The following PCDH7 variants were observed in gnomAD, a reference collection of about 807,000 sequenced individuals.
PCDH7 encodes the protein protocadherin-7.
PCDH7 carries 17 observed loss-of-function variants against 58.9 expected under a neutral mutation model. That is an observed-to-expected ratio of 0.29 (90% CI 0.20 to 0.43). The LOEUF (loss-of-function observed/expected upper bound fraction) is 0.43. Among genes scored for constraint, PCDH7 ranks in the 20% least tolerant of loss-of-function variants. PCDH7 has a pLI of 1.00. For synonymous variants in PCDH7, 664 were observed against 616.4 expected (o/e 1.08, Z -1.14); for missense variants, 1,274 against 1,441.0 (o/e 0.88, Z 1.88).
chr4:30,723,006 C>T lies in PCDH7; in HGVS notation c.1584C>T (p.Thr528=). 4.3e-6 allele frequency: 7 copies of T among 1,613,848 alleles called. No individual in the cohort carries two copies. The highest frequency in any genetic ancestry group is 5.9e-6 in the Non-Finnish European group (7 of 1,180,040). The stretch of plus-strand genomic sequence containing the variant: ...CCCTGATTGTCAAGGTGGGAGACAC[C>T]AACGACAACCCGCCCATGTTCGGCC... The change falls in exon 1 of 2, where the codon ACC becomes ACT. Residue 528 remains threonine, a synonymous_variant. Transcript: ENST00000361762. The surrounding 1 kb of genome is among the most constrained non-coding windows in gnomAD (Gnocchi z 4.6).
At chr4:30,865,700 A>T (rs537818455) in intron 1 of PCDH7, among the ~76,000 whole-genome samples, 1 of 152,150 alleles carries the variant, frequency 6.6e-6, no homozygotes, top group East Asian at 1.9e-4. Context: ...GGAAAACCTC[A>T]TAGGAAGGAA....
chr4:30,966,126 G>T (rs1748975982), intron 3 of PCDH7, among the ~76,000 whole-genome samples: 1 of 152,082 alleles, frequency 6.6e-6, no homozygotes, highest in Non-Finnish European at 1.5e-5. Context: ...GATTTTCATT[G>T]CGGATTCTTG....
At chr4:31,052,260 T>C (rs1368000584) in intron 3 of PCDH7, among the ~76,000 whole-genome samples, 2 of 152,158 alleles carry the variant, frequency 1.3e-5, no homozygotes, top group Non-Finnish European at 2.9e-5. Context: ...GCCAGTGTTT[T>C]GAGTCTTTGC....
At chr4:31,083,877 T>A (rs61794125) in intron 3 of PCDH7, among the ~76,000 whole-genome samples, 8,953 of 152,262 alleles carry the variant, frequency 0.059, 535 homozygotes, top group East Asian at 0.34. Flanking sequence ...CATTCAATGA[T>A]GCTGGAATAA....
In PCDH7 at chr4:30,722,762, T is replaced by C; in HGVS notation, c.1340T>C (p.Val447Ala). 1 of 1,613,490 alleles carries C rather than the reference T, an allele frequency of 6.2e-7. No individual in the cohort carries two copies. ...GACACCCCCATCGCTCTGGTGCAGG[T>C]GTCCGACCGAGACCAAGGCGAGAAC... Residue 447 changes from valine to alanine, a missense_variant, in exon 1 of 2, where the codon GTG becomes GCG. Transcript: ENST00000361762. This position sits in a 1 kb window ranked among gnomAD's most constrained non-coding sequence, Gnocchi z 7.6.
intron 3 of PCDH7, among the ~76,000 whole-genome samples, chr4:31,071,745 G>A (rs1051827381): frequency 6.6e-5 from 10 of 151,820 alleles, no homozygotes; most frequent in African/African-American, 1.7e-4. Context: ...GAGATCCCTC[G>A]CATTTCATTT....
intron 3 of PCDH7, among the ~76,000 whole-genome samples, chr4:31,039,153 C>A (rs1214863778): frequency 6.6e-6 from 1 of 151,962 alleles, no homozygotes; most frequent in Non-Finnish European, 1.5e-5. Context: ...TGGTTTAAAG[C>A]TCCAAAATCA....
chr4:31,060,570 G>A (rs868716060), intron 3 of PCDH7, among the ~76,000 whole-genome samples: 4 of 151,612 alleles, frequency 2.6e-5, no homozygotes, highest in Non-Finnish European at 5.9e-5. Flanking sequence ...TTACTTCTAT[G>A]TATATTTTTA....
At chr4:31,076,955 CTG>C (rs1293232769) in intron 3 of PCDH7, among the ~76,000 whole-genome samples, 1 of 151,976 alleles carries the variant, frequency 6.6e-6, no homozygotes, top group Admixed American at 6.5e-5. Flanking sequence ...AAATTTGAGA[CTG>C]GGCAGGAATG....
rs773578389 is a variant in PCDH7, at chr4:30,722,801, G to A, written c.1379G>A (p.Cys460Tyr). Residue 460 changes from cysteine (C) to tyrosine (Y), a missense_variant, in exon 1 of 2, where the codon TGC becomes TAC. Coordinates refer to ENST00000361762, the Ensembl canonical transcript of PCDH7. The surrounding 1 kb of genome is among the most constrained non-coding windows in gnomAD (Gnocchi z 7.6). ...CAAGGCGAGAACGGGGTGGTCACCTGCACCGTGGTGGGCGACGTGCCCTTC... is the reference window on the plus strand; with the variant it reads ...CAAGGCGAGAACGGGGTGGTCACCTACACCGTGGTGGGCGACGTGCCCTTC... 1.2e-6 allele frequency: 2 copies of A among 1,613,626 alleles called. No homozygotes were observed. The highest frequency in any genetic ancestry group is 1.1e-5 in the South Asian group (1 of 91,080).
chr4:31,023,790 C>T (rs1754213348), intron 3 of PCDH7, among the ~76,000 whole-genome samples: 1 of 152,076 alleles, frequency 6.6e-6, no homozygotes, highest in African/African-American at 2.4e-5. Flanking sequence ...ACCTTACATT[C>T]TATTATAGCA....
chr4:30,728,296 T>TAGAGAG (rs67735645), intron 1 of PCDH7, among the ~76,000 whole-genome samples: 6 of 105,392 alleles, frequency 5.7e-5, no homozygotes, highest in African/African-American at 1.5e-4. Flanking sequence ...TATATATATA[T>TAGAGAG]AGAGAGAGAG....
At chr4:30,952,595 A>G (rs1274098997) in intron 3 of PCDH7, among the ~76,000 whole-genome samples, 7 of 152,116 alleles carry the variant, frequency 4.6e-5, no homozygotes, top group African/African-American at 1.7e-4. Context: ...AAGAATATGA[A>G]TTAAATTGGG....
At chr4:30,824,790 G>A (rs1206153869) in intron 1 of PCDH7, among the ~76,000 whole-genome samples, 2 of 152,094 alleles carry the variant, frequency 1.3e-5, no homozygotes, top group South Asian at 2.1e-4. Flanking sequence ...CTGTAGAAAC[G>A]TGCTTCGACT....
chr4:30,824,337 G>A (rs1275928945), intron 1 of PCDH7, among the ~76,000 whole-genome samples: 1 of 151,870 alleles, frequency 6.6e-6, no homozygotes, highest in African/African-American at 2.4e-5. Context: ...CTGATTTAAT[G>A]TTCTCCTGGG....
intron 1 of PCDH7, among the ~76,000 whole-genome samples, chr4:30,788,203 C>T (rs1723662095): frequency 6.6e-6 from 1 of 152,010 alleles, no homozygotes; most frequent in Non-Finnish European, 1.5e-5. Flanking sequence ...GTGCTTTCCC[C>T]CACTTTTCTT....
intron 3 of PCDH7, among the ~76,000 whole-genome samples, chr4:31,070,069 T>C (rs1208459307): frequency 1.3e-5 from 2 of 152,044 alleles, no homozygotes; most frequent in African/African-American, 4.8e-5. Flanking sequence ...TACTCACACT[T>C]AATTTTAAAC....
chr4:30,985,701 C>T (rs1750908092), intron 3 of PCDH7, among the ~76,000 whole-genome samples: 1 of 152,158 alleles, frequency 6.6e-6, no homozygotes, highest in Non-Finnish European at 1.5e-5. Context: ...CGTAGTTGAT[C>T]TACCTTCAGC....
intron 3 of PCDH7, among the ~76,000 whole-genome samples, chr4:31,066,710 C>T (rs1758125129): frequency 6.6e-6 from 1 of 151,838 alleles, no homozygotes; most frequent in Admixed American, 6.6e-5. Flanking sequence ...ATGCCATTGA[C>T]ACAATACTTA....
Sources: allele counts gnomAD v4.1 joint callset (sites outside exome capture counted in the v4.1 genomes callset), GRCh38; gene constraint gnomAD v4.1.1; non-coding constraint Gnocchi (gnomAD v3.1); transcripts MANE v1.5; gene names NCBI Gene and HGNC (gene_info 2026-07-23, HGNC 2026-07-21).